The following HAS3 variants were observed in gnomAD, a reference collection of about 807,000 sequenced individuals.
The protein encoded by HAS3 is HA synthase 3.
HAS3 carries 27 observed loss-of-function variants against 50.3 expected under a neutral mutation model. The observed-to-expected ratio is 0.54, with a 90% CI of 0.40 to 0.74. The LOEUF is 0.74. HAS3 is among the 30% of genes least tolerant of loss of function. The probability of loss-of-function intolerance (pLI) is 0.00; values close to 1 mark genes in which losing one functional copy is unlikely to be tolerated. For synonymous variants in HAS3, 339 were observed against 310.9 expected (o/e 1.09, Z -0.95); for missense variants, 517 against 742.8 (o/e 0.70, Z 3.53).
rs1961197932 is a variant in HAS3, at chr16:69,116,687, T to TGGCTGTTTTC, written c.*1422_*1431dup. 1 of 985,302 alleles carries TGGCTGTTTTC rather than the reference T, an allele frequency of 1.0e-6. No individual in the cohort carries two copies. Among genetic ancestry groups the TGGCTGTTTTC allele is most frequent in the South Asian group, 4.7e-5 (1 of 21,292 alleles). The allele number at this position is 985,302 out of a possible 1,614,324, so 61.0% of individuals were successfully genotyped here. ...CTCTCATGCCTCCTGAGGCTGTTTT[T>TGGCTGTTTTC]GGCTGTTTTCCCTCTGCTGCTTTTG... On this transcript the variant is annotated 3_prime_UTR_variant, in exon 4 of 4. Transcript: ENST00000569188.
rs1960917767 is a variant in HAS3 at position 69,109,414 on chromosome 16, A to G, written c.19A>G (p.Thr7Ala). The G allele has an allele frequency of 1.2e-6, 2 of 1,607,460 alleles. No individual in the cohort carries two copies. Among genetic ancestry groups the G allele is most frequent in the Admixed American group, 1.7e-5 (1 of 59,758 alleles). The part of the protein sequence containing the change: MPVQLT[T>A]ALRVVGTSLF... The stretch of plus-strand genomic sequence containing the variant: ...TCGCCAGATGCCGGTGCAGCTGACG[A>G]CAGCCCTGCGTGTGGTGGGCACCAG... The change falls in exon 2 of 4, where the codon ACA becomes GCA. Residue 7 changes from threonine (T) to alanine (A), a missense_variant. Coordinates refer to ENST00000569188, the MANE Select transcript of HAS3 (RefSeq NM_001199280.2). The surrounding 1 kb of genome is among the most constrained non-coding windows in gnomAD (Gnocchi z 5.3).
rs1359810583 is a variant in HAS3, at chr16:69,117,083, C to G, written c.*1817C>G. On this transcript the variant is annotated 3_prime_UTR_variant, in exon 4 of 4. Transcript: ENST00000569188. Reference sequence around the variant, plus strand: ...GTAAGACTGCTGGTTGACATCAGACCCAACCCATGAAGGCTGGAAGGCAGC... The same window carrying G: ...GTAAGACTGCTGGTTGACATCAGACGCAACCCATGAAGGCTGGAAGGCAGC... 1 of 985,580 alleles carries G rather than the reference C, an allele frequency of 1.0e-6. No individual in the cohort carries two copies. The highest frequency in any genetic ancestry group is 1.2e-6 in the Non-Finnish European group (1 of 829,928). The allele number at this position is 985,580 out of a possible 1,614,324, so 61.1% of individuals were successfully genotyped here.
chr16:69,093,640 C>T, the HAS3 span, among the ~76,000 whole-genome samples: 1 of 150,174 alleles, frequency 6.7e-6, no homozygotes, highest in Non-Finnish European at 1.5e-5. Context: ...AGGCATTTCT[C>T]CTGCCTCTGC....
chr16:69,090,704 A>G, the HAS3 span, among the ~76,000 whole-genome samples: 1 of 152,082 alleles, frequency 6.6e-6, no homozygotes, highest in African/African-American at 2.4e-5. Context: ...AGTAGCTGGG[A>G]CTACAGGGGC....
At chr16:69,113,345 C>CAAG in intron 2 of HAS3, 96 bp from the exon 3 acceptor site, 1 of 809,032 alleles carries the variant, frequency 1.2e-6, no homozygotes, top group South Asian at 1.4e-5. Flanking sequence ...GTGAAGGGGT[C>CAAG]ATGTCTCTCA....
In HAS3 at chr16:69,115,271, G is replaced by A. The variant is rs762308758; in HGVS notation, c.*5G>A. ...TTGGCTTTTGCTGAGGTGTGACATG[G>A]CCCCCAAGCAGAGCGGGTAAAGTGC... On this transcript the variant is annotated 3_prime_UTR_variant, in exon 4 of 4. Coordinates refer to ENST00000569188, the MANE Select transcript of HAS3 (RefSeq NM_001199280.2). 6 of 1,514,064 alleles carry A rather than the reference G, an allele frequency of 4.0e-6. No homozygotes were observed. In the Admixed American group the frequency reaches 9.0e-5, roughly 23 times the overall value. The allele number at this position is 1,514,064 out of a possible 1,614,324, so 93.8% of individuals were successfully genotyped here. A position where few individuals can be genotyped will look rare whatever the true frequency, so the allele number is the denominator to read the frequency against.
chr16:69,098,967 CTGA>C, the HAS3 span, among the ~76,000 whole-genome samples: 2 of 148,992 alleles, frequency 1.3e-5, no homozygotes, highest in Non-Finnish European at 3.0e-5. Flanking sequence ...CAGCCTGAAC[CTGA>C]TCTTTTTTTT....
At chr16:69,093,623 C>T in the HAS3 span, among the ~76,000 whole-genome samples, 2 of 150,602 alleles carry the variant, frequency 1.3e-5, no homozygotes, top group African/African-American at 4.9e-5. Flanking sequence ...CTCCACCTCC[C>T]GGGTTCAGGC....
chr16:69,099,757 GT>G, the HAS3 span, among the ~76,000 whole-genome samples: 1 of 151,356 alleles, frequency 6.6e-6, no homozygotes, highest in Admixed American at 6.6e-5. Flanking sequence ...TCATGAACGT[GT>G]TTTTTTAGTA....
Position 69,115,431 on chromosome 16 carries a change from C to T in HAS3, c.*165C>T. 2 of 1,353,824 alleles carry T rather than the reference C, an allele frequency of 1.5e-6. No individual in the cohort carries two copies. Among genetic ancestry groups the T allele is most frequent in the Non-Finnish European group, 1.9e-6 (2 of 1,058,052 alleles). 83.9% of individuals were successfully genotyped at this position (1,353,824 alleles called of 1,614,324 possible). A position where few individuals can be genotyped will look rare whatever the true frequency, so the allele number is the denominator to read the frequency against. On this transcript the variant is annotated 3_prime_UTR_variant, in exon 4 of 4. Coordinates refer to ENST00000569188, the MANE Select transcript of HAS3 (RefSeq NM_001199280.2). The stretch of plus-strand genomic sequence containing the variant: ...AGAACGGTGATGTAGTATGGCCTGA[C>T]AGCTCTGTTTAGAGGAGGCAACACT...
upstream of HAS3, among the ~76,000 whole-genome samples, chr16:69,101,147 C>T (rs1960692893): frequency 6.6e-6 from 1 of 152,288 alleles, no homozygotes; most frequent in South Asian, 2.1e-4. Context: ...CGGTAATTCC[C>T]CATAACCTAC....
rs747165054 is a variant in HAS3, at chr16:69,114,750, G to A, written c.1146G>A (p.Glu382=). 6.2e-7 allele frequency: 1 copy of A among 1,614,146 alleles called. No individual in the cohort carries two copies. Among genetic ancestry groups the A allele is most frequent in the South Asian group, 1.1e-5 (1 of 91,080 alleles). ...FHKHHLWMTY[E]SVVTGFFPFF... is the part of the protein sequence containing the mutation. ...AGCACCACCTCTGGATGACCTACGA[G>A]TCAGTGGTCACGGGTTTCTTCCCCT... The change falls in exon 4 of 4, where the codon GAG becomes GAA. Residue 382 remains glutamate (E), a synonymous_variant. Coordinates refer to ENST00000569188, the MANE Select transcript of HAS3 (RefSeq NM_001199280.2). This position sits in a 1 kb window ranked among gnomAD's most constrained non-coding sequence, Gnocchi z 6.4.
Position 69,107,476 on chromosome 16 carries a change from C to A in HAS3, c.-1+1689C>A. 2.0e-6 allele frequency: 2 copies of A among 985,544 alleles called. No individual in the cohort carries two copies. The highest frequency in any genetic ancestry group is 1.1e-4 in the East Asian group (1 of 8,824). The allele number at this position is 985,544 out of a possible 1,614,324, so 61.0% of individuals were successfully genotyped here. On this transcript the variant is annotated intron_variant, in intron 1 of 3. Coordinates refer to ENST00000569188, the MANE Select transcript of HAS3 (RefSeq NM_001199280.2). The surrounding 1 kb of genome is among the most constrained non-coding windows in gnomAD (Gnocchi z 5.5). Reference sequence around the variant, plus strand: ...CCGGTTGGGTCGTGGGAAAGCGGCACGTGGGTGTGGCCGGCGCCGCCTTTG... The same window carrying A: ...CCGGTTGGGTCGTGGGAAAGCGGCAAGTGGGTGTGGCCGGCGCCGCCTTTG...
At chr16:69,110,537 C>G (rs1399940867) in intron 2 of HAS3, among the ~76,000 whole-genome samples, 1 of 152,196 alleles carries the variant, frequency 6.6e-6, no homozygotes, top group Non-Finnish European at 1.5e-5. Flanking sequence ...CCCACCTCAT[C>G]CTCCCTAGTA....
chr16:69,113,679 C>A, intron 3 of HAS3, 137 bp downstream of exon 3: 1 of 602,698 alleles, frequency 1.7e-6, no homozygotes. Context: ...TCACTGACAC[C>A]AAAGAGCTCG....
chr16:69,115,410 C>T lies in HAS3; in HGVS notation c.*144C>T, dbSNP rs536777410. The T allele has an allele frequency of 5.4e-5, 75 of 1,383,934 alleles. No individual in the cohort carries two copies. Among genetic ancestry groups the T allele is most frequent in the South Asian group, 1.3e-4 (7 of 53,284 alleles). The allele number at this position is 1,383,934 out of a possible 1,614,324, so 85.7% of individuals were successfully genotyped here. A position where few individuals can be genotyped will look rare whatever the true frequency, so the allele number is the denominator to read the frequency against. On this transcript the variant is annotated 3_prime_UTR_variant, in exon 4 of 4. Transcript: ENST00000569188. ...AAGGACAAATCTAAAATGCAAAGAA[C>T]GGTGATGTAGTATGGCCTGACAGCT...
intron 2 of HAS3, among the ~76,000 whole-genome samples, chr16:69,110,482 A>G (rs570913526): frequency 3.3e-5 from 5 of 152,202 alleles, no homozygotes; most frequent in Admixed American, 3.3e-4. Context: ...TAAAGGCATG[A>G]TCAATACGCA....
chr16:69,104,191 A>G (rs1020661838), upstream of HAS3, among the ~76,000 whole-genome samples: 1 of 151,150 alleles, frequency 6.6e-6, no homozygotes, highest in African/African-American at 2.4e-5. Flanking sequence ...CCTGGGCTCA[A>G]GCAATTCTCC....
At chr16:69,098,662 ATTTTTTTTTTTTTT>A in the HAS3 span, among the ~76,000 whole-genome samples, 3 of 98,172 alleles carry the variant, frequency 3.1e-5, no homozygotes, top group African/African-American at 4.1e-5. Context: ...ATCAAACCTG[ATTTTTTTTTTTTTT>A]TTTTTTTTTT....
Sources: gnomAD v4.1 joint callset for allele counts (sites outside exome capture counted in the v4.1 genomes callset) on GRCh38, gnomAD v4.1.1 for gene constraint, Gnocchi (gnomAD v3.1) non-coding constraint, MANE v1.5 for transcripts, NCBI Gene and HGNC (gene_info 2026-07-23, HGNC 2026-07-21) for gene names.